Variants in KLF12 observed in about 807,000 individuals in gnomAD.
KLF12 encodes KLF transcription factor 12, also known as Krueppel-like factor 12.
KLF12 carries 9 observed loss-of-function variants against 37.8 expected under a neutral mutation model. The observed-to-expected ratio is 0.24, with a 90% CI of 0.14 to 0.42. The LOEUF (loss-of-function observed/expected upper bound fraction) is 0.42, where lower values mean the gene tolerates loss of function less well. Ranked by LOEUF, KLF12 falls within the 10% of genes least tolerant of loss-of-function variation. The probability of loss-of-function intolerance (pLI) is 1.00; values close to 1 mark genes in which losing one functional copy is unlikely to be tolerated. For missense variants in KLF12, 411 were observed against 516.0 expected, an observed-to-expected ratio of 0.80 and a Z score of 1.97; for synonymous variants, 208 against 202.1, an observed-to-expected ratio of 1.03 and a Z score of -0.25.
intron 6 of KLF12, among the ~76,000 whole-genome samples, chr13:73,741,725 T>C (rs1877996491): frequency 1.3e-5 from 2 of 152,156 alleles, no homozygotes; most frequent in Non-Finnish European, 2.9e-5. Context: ...TTTTTGGAGG[T>C]TGACTTTACA....
the KLF12 span, among the ~76,000 whole-genome samples, chr13:74,275,885 CT>C: frequency 0.016 from 1,418 of 90,214 alleles, 22 homozygotes; most frequent in Middle Eastern, 0.033. Flanking sequence ...TTTCTTCTTT[CT>C]TTCTTTCTTT....
the KLF12 span, among the ~76,000 whole-genome samples, chr13:74,197,528 CAG>C: frequency 6.6e-6 from 1 of 152,068 alleles, no homozygotes; most frequent in African/African-American, 2.4e-5. Flanking sequence ...CACTCATACT[CAG>C]TGAATAACTC....
chr13:74,206,965 A>G, the KLF12 span, among the ~76,000 whole-genome samples: 3 of 152,326 alleles, frequency 2.0e-5, no homozygotes, highest in Admixed American at 2.0e-4. Context: ...GCTGCTATAA[A>G]TTACTAAGAT....
the KLF12 span, among the ~76,000 whole-genome samples, chr13:74,251,673 C>A: frequency 6.6e-6 from 1 of 152,124 alleles, no homozygotes; most frequent in Non-Finnish European, 1.5e-5. Flanking sequence ...CCCCAGTTGG[C>A]TGACTGGCGT....
At chr13:73,856,707 G>A (rs1885628982) in intron 3 of KLF12, among the ~76,000 whole-genome samples, 1 of 152,148 alleles carries the variant, frequency 6.6e-6, no homozygotes, top group Admixed American at 6.5e-5. Flanking sequence ...ACAAAAAAAG[G>A]GCCTGGAGCA....
In KLF12 at chr13:74,044,521, T is replaced by C. The variant is rs186489859; in HGVS notation, c.-31-49468A>G. On this transcript the variant is annotated intron_variant, in intron 1 of 7. Transcript: ENST00000377669. Reference sequence around the variant, plus strand: ...TGTTTGACATACAATAAGGGAGATATGTCAGAGAGATACAAAAGTCAACTA... The same window carrying C: ...TGTTTGACATACAATAAGGGAGATACGTCAGAGAGATACAAAAGTCAACTA... 7.2e-5 allele frequency among the ~76,000 whole-genome samples: 11 copies of C among 152,016 alleles called. No individual in the cohort carries two copies. The East Asian group carries it at 1.9e-3, about 27-fold the overall frequency.
intron 5 of KLF12, 65 bp from the exon 6 acceptor site, chr13:73,765,065 A>G: frequency 1.1e-6 from 1 of 949,056 alleles, no homozygotes. Context: ...ATTTAAAAAA[A>G]TGGCATGTTT....
intron 5 of KLF12, among the ~76,000 whole-genome samples, chr13:73,790,791 C>T (rs574403883): frequency 6.6e-6 from 1 of 152,206 alleles, no homozygotes; most frequent in Non-Finnish European, 1.5e-5. Flanking sequence ...CTCCATGTTG[C>T]AGATGTAGGT....
chr13:74,103,763 T>C (rs1223387242), intron 1 of KLF12, among the ~76,000 whole-genome samples: 1 of 152,228 alleles, frequency 6.6e-6, no homozygotes, highest in African/African-American at 2.4e-5. Context: ...GTAATTCAAC[T>C]ATGCCTAATT....
intron 3 of KLF12, among the ~76,000 whole-genome samples, chr13:73,856,319 C>T (rs1029814472): frequency 6.6e-6 from 1 of 152,142 alleles, no homozygotes; most frequent in Non-Finnish European, 1.5e-5. Context: ...GGATGCTTAT[C>T]CATCAGAAAC....
At chr13:73,771,907 C>G (rs1880295546) in intron 5 of KLF12, among the ~76,000 whole-genome samples, 1 of 152,166 alleles carries the variant, frequency 6.6e-6, no homozygotes, top group Admixed American at 6.5e-5. Flanking sequence ...TAGGAAAGCA[C>G]TCCAAGAAGA....
intron 1 of KLF12, among the ~76,000 whole-genome samples, chr13:74,091,476 A>G (rs1875655210): frequency 6.6e-6 from 1 of 152,212 alleles, no homozygotes; most frequent in Non-Finnish European, 1.5e-5. Flanking sequence ...ATATGCATGT[A>G]AGTTTCCTCT....
intron 1 of KLF12, 107 bp from the exon 2 acceptor site, chr13:73,995,160 G>A (rs780455496): frequency 5.1e-5 from 36 of 710,040 alleles, no homozygotes; most frequent in Middle Eastern, 3.3e-4. Context: ...CCTTAAGCTC[G>A]TGATCATAGA....
At chr13:74,055,366 CACA>C (rs1276166041) in intron 1 of KLF12, among the ~76,000 whole-genome samples, 1 of 152,152 alleles carries the variant, frequency 6.6e-6, no homozygotes, top group Non-Finnish European at 1.5e-5. Context: ...ACTGATGGAA[CACA>C]ACAACAAATC....
chr13:74,258,273 T>C, the KLF12 span: 1 of 151,828 alleles, frequency 6.6e-6, no homozygotes, highest in Non-Finnish European at 1.5e-5. Flanking sequence ...ATGTATAAGT[T>C]GAACTTGGCA....
At chr13:74,085,666 A>G (rs1247387923) in intron 1 of KLF12, among the ~76,000 whole-genome samples, 2 of 152,200 alleles carry the variant, frequency 1.3e-5, no homozygotes, top group Non-Finnish European at 2.9e-5. Flanking sequence ...TCCACTAGCC[A>G]GCGGGTTTCT....
At chr13:73,918,413 C>T (rs1428282226) in intron 3 of KLF12, among the ~76,000 whole-genome samples, 1 of 152,154 alleles carries the variant, frequency 6.6e-6, no homozygotes, top group Non-Finnish European at 1.5e-5. Flanking sequence ...AAAATTCAAT[C>T]CTCCAGTCCA....
chr13:74,283,244 G>C, the KLF12 span, among the ~76,000 whole-genome samples: 1 of 152,080 alleles, frequency 6.6e-6, no homozygotes, highest in East Asian at 1.9e-4. Flanking sequence ...TTTAATACTT[G>C]CTATATATTT....
chr13:73,915,286 T>C (rs1245555003), intron 3 of KLF12, among the ~76,000 whole-genome samples: 1 of 152,176 alleles, frequency 6.6e-6, no homozygotes, highest in Non-Finnish European at 1.5e-5. Context: ...CTCAACATAA[T>C]TGCATCTGAA....
Sources: allele counts gnomAD v4.1 joint callset (sites outside exome capture counted in the v4.1 genomes callset), GRCh38; gene constraint gnomAD v4.1.1; transcripts MANE v1.5; gene names NCBI Gene and HGNC (gene_info 2026-07-23, HGNC 2026-07-21).